SGSM2: variants seen among roughly 807,000 people sequenced by gnomAD.
The protein encoded by SGSM2 is RUN and TBC1 domain containing 1.
Under a neutral mutation model 126.6 loss-of-function variants are expected in SGSM2, and 89 were observed. That is an observed-to-expected ratio of 0.70 (90% confidence interval 0.59 to 0.84). SGSM2 has a LOEUF of 0.84. Ranked by LOEUF, SGSM2 falls within the 40% of genes least tolerant of loss-of-function variation. The pLI is 0.00. For missense variants in SGSM2, 1,404 were observed against 1,416.6 expected, an observed-to-expected ratio of 0.99 and a Z score of 0.14; for synonymous variants, 614 against 574.3, an observed-to-expected ratio of 1.07 and a Z score of -0.99.
rs923756422 is a variant in SGSM2 at position 2,372,654 on chromosome 17, A to G, written c.1788+166A>G. 3.9e-6 allele frequency: 4 copies of G among 1,035,232 alleles called. No individual in the cohort carries two copies. Among genetic ancestry groups the G allele is most frequent in the Admixed American group, 2.7e-5 (1 of 36,604 alleles). 64.1% of individuals were successfully genotyped at this position (1,035,232 alleles called of 1,614,324 possible). A position where few individuals can be genotyped will look rare whatever the true frequency, so the allele number is the denominator to read the frequency against. On this transcript the variant is annotated intron_variant, in intron 15 of 23. Coordinates refer to ENST00000268989, the MANE Select transcript of SGSM2 (RefSeq NM_014853.3). The surrounding 1 kb of genome is among the most constrained non-coding windows in gnomAD (Gnocchi z 6.0). ...TCTTGCAGCTGGGCCTGGGGCTGAC[A>G]CGGGAAGGGGGCTGGACTGGGAAGC...
Position 2,375,728 on chromosome 17 carries a change from G to C in SGSM2, c.2337G>C (p.Glu779Asp), listed in dbSNP as rs772948281. 1.5e-5 allele frequency: 24 copies of C among 1,609,300 alleles called. No individual in the cohort carries two copies. In the Admixed American group the frequency reaches 2.2e-4, roughly 15 times the overall value. The change falls in exon 18 of 24, where the codon GAG becomes GAC. Residue 779 changes from glutamate (E) to aspartate (D), a missense_variant. Transcript: ENST00000268989. ...DEGQSVGFEE[E>D]DGGGEEGSSG... ...GGCAGAGCGTGGGCTTCGAAGAGGA[G>C]GACGGCGGTGGGGAGGAAGGCTCCA...
chr17:2,344,952 T>C (rs2064530088), intron 2 of SGSM2, among the ~76,000 whole-genome samples: 1 of 152,176 alleles, frequency 6.6e-6, no homozygotes, highest in African/African-American at 2.4e-5. Flanking sequence ...CAAAGAATAT[T>C]CGTCTCTCCT....
chr17:2,372,512 C>A lies in SGSM2; in HGVS notation c.1788+24C>A. 1 of 1,592,598 alleles carries A rather than the reference C, an allele frequency of 6.3e-7. No individual in the cohort carries two copies. Among genetic ancestry groups the A allele is most frequent in the Non-Finnish European group, 8.5e-7 (1 of 1,173,844 alleles). ...AGGTGCCAACCCTGGGGTTCCAGGG[C>A]CACAGGTCGAGGGGCTGGGGCGGGC... On this transcript the variant is annotated intron_variant, in intron 15 of 23. Coordinates refer to ENST00000268989, the MANE Select transcript of SGSM2 (RefSeq NM_014853.3). This position sits in a 1 kb window ranked among gnomAD's most constrained non-coding sequence, Gnocchi z 6.0.
At chr17:2,341,551 T>C (rs978056785) in intron 1 of SGSM2, among the ~76,000 whole-genome samples, 6 of 152,218 alleles carry the variant, frequency 3.9e-5, no homozygotes, top group Non-Finnish European at 7.3e-5. Flanking sequence ...CAGTCTTGAC[T>C]AAGGGTCTTG....
intron 16 of SGSM2, 72 bp downstream of exon 16, chr17:2,373,153 T>G (rs1597386461): frequency 6.3e-7 from 1 of 1,587,470 alleles, no homozygotes; most frequent in South Asian, 1.1e-5. Flanking sequence ...GAGGGGACCT[T>G]GGAAGCCTCA....
In SGSM2 at chr17:2,380,352, C is replaced by G; in HGVS notation, c.*832C>G. On this transcript the variant is annotated 3_prime_UTR_variant, in exon 24 of 24. Coordinates refer to ENST00000268989, the MANE Select transcript of SGSM2 (RefSeq NM_014853.3). Reference sequence around the variant, plus strand: ...ACCGGAGCACTTGCTCTGAGGAATCCCAGGGTGACTCTGTCGGGGAAGAAT... The same window carrying G: ...ACCGGAGCACTTGCTCTGAGGAATCGCAGGGTGACTCTGTCGGGGAAGAAT... 6.6e-7 allele frequency: 1 copy of G among 1,506,744 alleles called. No individual in the cohort carries two copies. Among genetic ancestry groups the G allele is most frequent in the African/African-American group, 1.4e-5 (1 of 72,586 alleles). 93.3% of individuals were successfully genotyped at this position (1,506,744 alleles called of 1,614,324 possible). A position where few individuals can be genotyped will look rare whatever the true frequency, so the allele number is the denominator to read the frequency against.
Position 2,380,350 on chromosome 17 carries a change from T to C in SGSM2, c.*830T>C. ...CGACCGGAGCACTTGCTCTGAGGAA[T>C]CCCAGGGTGACTCTGTCGGGGAAGA... is the stretch of plus-strand genomic sequence containing the variant. On this transcript the variant is annotated 3_prime_UTR_variant, in exon 24 of 24. Coordinates refer to ENST00000268989, the MANE Select transcript of SGSM2 (RefSeq NM_014853.3). The C allele has an allele frequency of 1.3e-6, 2 of 1,514,724 alleles. No individual in the cohort carries two copies. The highest frequency in any genetic ancestry group is 1.8e-6 in the Non-Finnish European group (2 of 1,127,824). The allele number at this position is 1,514,724 out of a possible 1,614,324, so 93.8% of individuals were successfully genotyped here. A position where few individuals can be genotyped will look rare whatever the true frequency, so the allele number is the denominator to read the frequency against.
At position 2,379,476 on chromosome 17, in the gene SGSM2, C is replaced by G; in HGVS notation, c.3112C>G (p.Arg1038Gly). The G allele has an allele frequency of 1.9e-6, 3 of 1,613,602 alleles. No homozygotes were observed. Among genetic ancestry groups the G allele is most frequent in the Non-Finnish European group, 2.5e-6 (3 of 1,179,754 alleles). ...HDAQEILRIA[R>G]DLVHKVQMLI... ...TGCCCAGGAGATCCTGCGGATTGCCCGGGACCTCGTCCACAAGGTGCAGAT... is the reference window on the plus strand; with the variant it reads ...TGCCCAGGAGATCCTGCGGATTGCCGGGGACCTCGTCCACAAGGTGCAGAT... The change falls in exon 24 of 24, where the codon CGG becomes GGG. Residue 1038 changes from arginine to glycine, a missense_variant. Physicochemically the swap from Arg to Gly is moderately radical, Grantham distance 125 (BLOSUM62 -2). Transcript: ENST00000268989.
At chr17:2,373,803 A>G (rs2065999505) in intron 17 of SGSM2, 2 of 401,486 alleles carry the variant, frequency 5.0e-6, no homozygotes, top group Non-Finnish European at 4.5e-6. Flanking sequence ...CCTTGTAGAA[A>G]GACCTCAAAG....
In SGSM2 at chr17:2,372,207, T is replaced by G; in HGVS notation, c.1595T>G (p.Leu532Arg). The G allele has an allele frequency of 6.2e-7, 1 of 1,613,286 alleles. No individual in the cohort carries two copies. The highest frequency in any genetic ancestry group is 8.5e-7 in the Non-Finnish European group (1 of 1,179,778). ...CIPDRLPLRL[L>R]CESMKRQIVS... is the part of the protein sequence containing the mutation. ...TGCCACAGGTTGCCGCTCAGGCTAC[T>G]GTGTGAGAGTATGAAGAGGCAGATC... Residue 532 changes from leucine (L) to arginine (R), a missense_variant, in exon 14 of 24, where the codon CTG (leucine) becomes CGG (arginine). Transcript: ENST00000268989. This position sits in a 1 kb window ranked among gnomAD's most constrained non-coding sequence, Gnocchi z 6.0.
chr17:2,356,376 G>C (rs1300777298), intron 2 of SGSM2, among the ~76,000 whole-genome samples: 14 of 1,284 alleles, frequency 0.011, no homozygotes, highest in African/African-American at 0.012. Flanking sequence ...GGGGTGTAAG[G>C]GTTGGGGGAA....
Position 2,362,048 on chromosome 17 carries a change from C to A in SGSM2, c.297-61C>A. 6.5e-7 allele frequency: 1 copy of A among 1,547,204 alleles called. No homozygotes were observed. On this transcript the variant is annotated intron_variant, in intron 3 of 23. Transcript: ENST00000268989. The surrounding 1 kb of genome is among the most constrained non-coding windows in gnomAD (Gnocchi z 4.9). ...GGGGTACCAAGCCCCACTCCCAATGCCAGCATTCTGGGGTTTACCCCTAGA... is the reference window on the plus strand; with the variant it reads ...GGGGTACCAAGCCCCACTCCCAATGACAGCATTCTGGGGTTTACCCCTAGA...
Position 2,372,771 on chromosome 17 carries a change from G to T in SGSM2, c.1789-182G>T. ...GCCCCTTAAGGAAGGAGAGCAGAAC[G>T]AGATCTCATCCCACTGTGAGCTGGG... On this transcript the variant is annotated intron_variant, in intron 15 of 23. Transcript: ENST00000268989. This position sits in a 1 kb window ranked among gnomAD's most constrained non-coding sequence, Gnocchi z 6.0. 1 of 878,230 alleles carries T rather than the reference G, an allele frequency of 1.1e-6. No homozygotes were observed. 54.4% of individuals were successfully genotyped at this position (878,230 alleles called of 1,614,324 possible).
Position 2,367,959 on chromosome 17 carries a change from C to T in SGSM2, c.1423+554C>T, listed in dbSNP as rs2065673618. Among the ~76,000 whole-genome samples, 1 of 152,216 alleles carries T rather than the reference C, an allele frequency of 6.6e-6. No homozygotes were observed. Among genetic ancestry groups the T allele is most frequent in the Non-Finnish European group, 1.5e-5 (1 of 68,026 alleles). On this transcript the variant is annotated intron_variant, in intron 12 of 23. Transcript: ENST00000268989. This position sits in a 1 kb window ranked among gnomAD's most constrained non-coding sequence, Gnocchi z 4.0. Reference sequence around the variant, plus strand: ...GGGCCCCAGCCGGCAGGGCCTGGTACTTTGGCATGAAATCTAGAAATAGCT... The same window carrying T: ...GGGCCCCAGCCGGCAGGGCCTGGTATTTTGGCATGAAATCTAGAAATAGCT...
Position 2,371,428 on chromosome 17 carries a change from C to A in SGSM2, c.1577+13C>A. ...GCATCCCCGACCGGTGAGTGGGCAG[C>A]GCTCGGCCCCAGCTTCCCGTTAGCG... On this transcript the variant is annotated intron_variant, in intron 13 of 23. Coordinates refer to ENST00000268989, the MANE Select transcript of SGSM2 (RefSeq NM_014853.3). The A allele has an allele frequency of 1.3e-6, 2 of 1,577,654 alleles. No individual in the cohort carries two copies. The highest frequency in any genetic ancestry group is 1.7e-6 in the Non-Finnish European group (2 of 1,161,024).
chr17:2,379,186 T>TC lies in SGSM2; in HGVS notation c.3051dup (p.Ile1018HisfsTer6), dbSNP rs1238135535. On this transcript the variant is annotated frameshift_variant, in exon 23 of 24. Coordinates refer to ENST00000268989, the MANE Select transcript of SGSM2 (RefSeq NM_014853.3). LOFTEE classifies it high-confidence loss of function. The stretch of plus-strand genomic sequence containing the variant: ...GACAACAACATGGACTTCACTGACA[T>TC]CATCAAGTTTTTCAATGGTACGAGC... 1 of 1,613,674 alleles carries TC rather than the reference T, an allele frequency of 6.2e-7. No individual in the cohort carries two copies. Among genetic ancestry groups the TC allele is most frequent in the African/African-American group, 1.3e-5 (1 of 74,802 alleles).
Position 2,380,582 on chromosome 17 carries a change from A to C in SGSM2, c.*1062A>C. On this transcript the variant is annotated 3_prime_UTR_variant, in exon 24 of 24. Transcript: ENST00000268989. ...CCTAGGAACCCAGAAACCCCCTTGG[A>C]GGAGCTGTGTATGCGGGGGTGCCAG... 3 of 523,464 alleles carry C rather than the reference A, an allele frequency of 5.7e-6. No individual in the cohort carries two copies. The highest frequency in any genetic ancestry group is 1.0e-5 in the Non-Finnish European group (3 of 288,726). 32.4% of individuals were successfully genotyped at this position (523,464 alleles called of 1,614,324 possible).
intron 2 of SGSM2, among the ~76,000 whole-genome samples, chr17:2,350,600 A>G (rs1429634002): frequency 4.6e-5 from 7 of 152,004 alleles, no homozygotes; most frequent in Admixed American, 4.6e-4. Flanking sequence ...CCTGGGCGAC[A>G]GAGTGAGACT....
rs961467382 is a variant in SGSM2, at chr17:2,380,348, A to G, written c.*828A>G. On this transcript the variant is annotated 3_prime_UTR_variant, in exon 24 of 24. Coordinates refer to ENST00000268989, the MANE Select transcript of SGSM2 (RefSeq NM_014853.3). ...TGCGACCGGAGCACTTGCTCTGAGG[A>G]ATCCCAGGGTGACTCTGTCGGGGAA... 2.0e-6 allele frequency: 3 copies of G among 1,516,940 alleles called. No homozygotes were observed. In the African/African-American group the frequency reaches 4.1e-5, roughly 21 times the overall value. 94.0% of individuals were successfully genotyped at this position (1,516,940 alleles called of 1,614,324 possible).
Sources: allele counts gnomAD v4.1 joint callset (sites outside exome capture counted in the v4.1 genomes callset), GRCh38; gene constraint gnomAD v4.1.1; non-coding constraint Gnocchi (gnomAD v3.1); transcripts MANE v1.5; gene names NCBI Gene and HGNC (gene_info 2026-07-23, HGNC 2026-07-21).